Variants in PTPRK observed in about 807,000 individuals in gnomAD.
PTPRK encodes the protein receptor-type tyrosine-protein phosphatase kappa.
Under a neutral mutation model 178.0 loss-of-function variants are expected in PTPRK, and 75 were observed. That is an observed-to-expected ratio of 0.42 (90% confidence interval 0.35 to 0.51). The LOEUF (loss-of-function observed/expected upper bound fraction) is 0.51, where lower values mean the gene tolerates loss of function less well. Among genes scored for constraint, PTPRK ranks in the 20% least tolerant of loss-of-function variants. The pLI, the probability that PTPRK is intolerant of heterozygous loss-of-function variation, is 0.02. For missense variants in PTPRK, 1,441 were observed against 1,797.8 expected (o/e 0.80, Z 3.59); for synonymous variants, 637 against 620.6 (o/e 1.03, Z -0.39).
intron 3 of PTPRK, among the ~76,000 whole-genome samples, chr6:128,292,029 A>T (rs1167078633): frequency 1.3e-5 from 2 of 152,134 alleles, no homozygotes; most frequent in African/African-American, 2.4e-5. Flanking sequence ...TTAGAAATGA[A>T]AAGATAAATA....
At chr6:128,237,081 T>C (rs1468837208) in intron 5 of PTPRK, among the ~76,000 whole-genome samples, 1 of 152,210 alleles carries the variant, frequency 6.6e-6, no homozygotes, top group East Asian at 1.9e-4. Flanking sequence ...TAACAAATTA[T>C]TTAAAATATC....
intron 15 of PTPRK, chr6:128,001,153 C>A: frequency 7.0e-7 from 1 of 1,425,002 alleles, no homozygotes. Context: ...TGAAATATAT[C>A]CTTGATTGAA....
intron 7 of PTPRK, among the ~76,000 whole-genome samples, chr6:128,098,110 T>C (rs1788196711): frequency 6.6e-6 from 1 of 152,144 alleles, no homozygotes; most frequent in African/African-American, 2.4e-5. Flanking sequence ...TGATCCATAG[T>C]ATATGGTTGG....
Position 128,076,486 on chromosome 6 carries a change from G to A in PTPRK, c.1883+2327C>T, listed in dbSNP as rs901917096. On this transcript the variant is annotated intron_variant, in intron 11 of 29. Coordinates refer to ENST00000368226, the MANE Select transcript of PTPRK (RefSeq NM_002844.4). Reference sequence around the variant, plus strand: ...ACTAAAGATGGACTTGGTGGGATTAGCATATCAGTTAGAAAGCAGATTTTA... The same window carrying A: ...ACTAAAGATGGACTTGGTGGGATTAACATATCAGTTAGAAAGCAGATTTTA... Among the ~76,000 whole-genome samples, 7 of 152,022 alleles carry A rather than the reference G, an allele frequency of 4.6e-5. No individual in the cohort carries two copies. In the South Asian group the frequency reaches 6.2e-4, roughly 13 times the overall value.
intron 7 of PTPRK, among the ~76,000 whole-genome samples, chr6:128,094,339 A>T (rs12189718): frequency 0.045 from 6,879 of 152,234 alleles, 222 homozygotes; most frequent in Non-Finnish European, 0.067. Context: ...AAAGAATGTG[A>T]TGTGTTAGCA....
At chr6:128,118,485 A>G (rs1242201510) in intron 7 of PTPRK, among the ~76,000 whole-genome samples, 1 of 152,168 alleles carries the variant, frequency 6.6e-6, no homozygotes, top group East Asian at 1.9e-4. Flanking sequence ...TCCCTTAACA[A>G]TTTCCTTTGA....
chr6:128,318,741 A>G (rs1828379189), intron 3 of PTPRK, among the ~76,000 whole-genome samples: 1 of 152,184 alleles, frequency 6.6e-6, no homozygotes, highest in Non-Finnish European at 1.5e-5. Flanking sequence ...TTTTATGAAT[A>G]CAAGACAGGT....
At chr6:128,033,466 T>C (rs747329694) in intron 13 of PTPRK, among the ~76,000 whole-genome samples, 1 of 152,354 alleles carries the variant, frequency 6.6e-6, no homozygotes, top group South Asian at 2.1e-4. Context: ...ACAGCATATG[T>C]CTGCTATTAT....
At chr6:128,306,984 A>G (rs1366696522) in intron 3 of PTPRK, among the ~76,000 whole-genome samples, 2 of 151,978 alleles carry the variant, frequency 1.3e-5, no homozygotes, top group Admixed American at 6.6e-5. Flanking sequence ...AAACTATCAG[A>G]TAAAAACTCA....
At chr6:128,295,923 G>T (rs1226486273) in intron 3 of PTPRK, among the ~76,000 whole-genome samples, 1 of 152,020 alleles carries the variant, frequency 6.6e-6, no homozygotes, top group Admixed American at 6.6e-5. Context: ...GGCTAAAAAA[G>T]AAAAGTTTAG....
intron 1 of PTPRK, among the ~76,000 whole-genome samples, chr6:128,425,814 C>A (rs1331586517): frequency 6.6e-6 from 1 of 152,200 alleles, no homozygotes; most frequent in Non-Finnish European, 1.5e-5. Flanking sequence ...TTCAGGCACT[C>A]TACCACCTTG....
chr6:128,297,304 T>C (rs1824636017), intron 3 of PTPRK, among the ~76,000 whole-genome samples: 1 of 152,036 alleles, frequency 6.6e-6, no homozygotes, highest in Admixed American at 6.5e-5. Context: ...CTGTCAACAT[T>C]AGACAGATCA....
intron 13 of PTPRK, among the ~76,000 whole-genome samples, chr6:128,054,012 G>C (rs1384323411): frequency 6.6e-6 from 1 of 152,326 alleles, no homozygotes; most frequent in East Asian, 1.9e-4. Flanking sequence ...AACCCAAAAT[G>C]TTACATATAG....
intron 4 of PTPRK, chr6:128,241,204 T>A (rs1583650030): frequency 1.9e-6 from 1 of 532,700 alleles, no homozygotes; most frequent in East Asian, 5.5e-5. Context: ...ACTGGCTACA[T>A]CTTTCTCTAG....
intron 7 of PTPRK, among the ~76,000 whole-genome samples, chr6:128,166,690 A>C (rs550420273): frequency 6.6e-6 from 1 of 151,764 alleles, no homozygotes; most frequent in Admixed American, 6.6e-5. Flanking sequence ...TATAAACATA[A>C]ATTTTTGTTT....
At chr6:128,276,543 TTA>T (rs1395285291) in intron 3 of PTPRK, among the ~76,000 whole-genome samples, 1 of 152,092 alleles carries the variant, frequency 6.6e-6, no homozygotes, top group Non-Finnish European at 1.5e-5. Context: ...CCATAAACAT[TTA>T]TATATTTCTT....
chr6:128,053,177 CA>C (rs1209429235), intron 13 of PTPRK, among the ~76,000 whole-genome samples: 56 of 151,522 alleles, frequency 3.7e-4, no homozygotes, highest in Admixed American at 2.4e-3. Context: ...CACACACACA[CA>C]CACACCCCTA....
At chr6:128,052,609 C>T (rs536185576) in intron 13 of PTPRK, among the ~76,000 whole-genome samples, 113 of 151,772 alleles carry the variant, frequency 7.4e-4, no homozygotes, top group African/African-American at 2.7e-3. Flanking sequence ...TTTCTTGCAT[C>T]CTAGTGGGAA....
chr6:128,082,008 CATA>C (rs1784908862), intron 10 of PTPRK, among the ~76,000 whole-genome samples: 1 of 151,988 alleles, frequency 6.6e-6, no homozygotes. Context: ...TTAAAATTAT[CATA>C]ATGTCAGGGA....
Sources: gnomAD v4.1 joint callset for allele counts (sites outside exome capture counted in the v4.1 genomes callset) on GRCh38, gnomAD v4.1.1 for gene constraint, MANE v1.5 for transcripts, NCBI Gene and HGNC (gene_info 2026-07-23, HGNC 2026-07-21) for gene names.